Variants in VWCE observed in about 807,000 individuals in gnomAD.
VWCE encodes von Willebrand factor C and EGF domains.
VWCE carries 68 observed loss-of-function variants against 102.9 expected under a neutral mutation model. The ratio of observed to expected loss-of-function variants is 0.66; its 90% CI spans 0.54 to 0.81. The LOEUF is 0.81. Ranked by LOEUF, VWCE falls within the 30% of genes least tolerant of loss-of-function variation. The probability of loss-of-function intolerance (pLI) is 0.00; values close to 1 mark genes in which losing one functional copy is unlikely to be tolerated. For synonymous variants in VWCE, 497 were observed against 515.4 expected (o/e 0.96, Z 0.48); for missense variants, 1,137 against 1,263.6 (o/e 0.90, Z 1.52).
At chr11:61,264,042 G>A (rs1012669529) in intron 19 of VWCE, among the ~76,000 whole-genome samples, 26 of 151,750 alleles carry the variant, frequency 1.7e-4, no homozygotes, top group South Asian at 2.1e-4. Context: ...TGGCTAACAC[G>A]GTGAAACCCC....
chr11:61,266,688 T>C lies in VWCE; in HGVS notation c.1965+774A>G, dbSNP rs116207019. On this transcript the variant is annotated intron_variant, in intron 16 of 19. Coordinates refer to ENST00000335613, the MANE Select transcript of VWCE (RefSeq NM_152718.2). ...AATACTAGGGTTCCATTCTCAGTAC[T>C]TTGATTAACTAGTTACGGGATCTGA... Among the ~76,000 whole-genome samples, 1,018 of 152,330 alleles carry C rather than the reference T, an allele frequency of 6.7e-3. 13 individuals carry two copies. Among genetic ancestry groups the C allele is most frequent in the African/African-American group, 0.024 (984 of 41,568 alleles).
In VWCE at chr11:61,258,829, T is replaced by G; in HGVS notation, c.2714A>C (p.Asp905Ala). 1 of 1,504,458 alleles carries G rather than the reference T, an allele frequency of 6.6e-7. No individual in the cohort carries two copies. The highest frequency in any genetic ancestry group is 8.9e-7 in the Non-Finnish European group (1 of 1,128,210). The allele number at this position is 1,504,458 out of a possible 1,614,324, so 93.2% of individuals were successfully genotyped here. A position where few individuals can be genotyped will look rare whatever the true frequency, so the allele number is the denominator to read the frequency against. Reference protein sequence around the residue: ...LTEASALSMMDPSPSKTPITL... With the variant: ...LTEASALSMMAPSPSKTPITL... ...GATGGGGGTCTTCGAGGGGCTGGGG[T>G]CCATCATGGAAAGTGCTGAAGCTTC... The change falls in exon 20 of 20, where the codon GAC becomes GCC. Residue 905 changes from aspartate (D) to alanine (A), a missense_variant. Coordinates refer to ENST00000335613, the MANE Select transcript of VWCE (RefSeq NM_152718.2).
intron 19 of VWCE, among the ~76,000 whole-genome samples, chr11:61,262,412 G>C (rs771373943): frequency 1.3e-5 from 2 of 152,174 alleles, no homozygotes; most frequent in African/African-American, 2.4e-5. Flanking sequence ...CCTGCAAAAT[G>C]GAGATAACAT....
chr11:61,271,911 C>T (rs940258636), intron 13 of VWCE, 151 bp from the exon 14 acceptor site: 4 of 684,558 alleles, frequency 5.8e-6, no homozygotes, highest in African/African-American at 5.3e-5. Context: ...CAAATGCACA[C>T]TTACACAGAT....
At chr11:61,263,534 A>G (rs536625353) in intron 19 of VWCE, among the ~76,000 whole-genome samples, 1 of 152,320 alleles carries the variant, frequency 6.6e-6, no homozygotes, top group South Asian at 2.1e-4. Flanking sequence ...ACACAATCTC[A>G]GCTAGACAGG....
chr11:61,274,078 C>T (rs1854827624), intron 12 of VWCE, among the ~76,000 whole-genome samples: 1 of 152,136 alleles, frequency 6.6e-6, no homozygotes, highest in South Asian at 2.1e-4. Context: ...GCAGAACGGC[C>T]ATCTCCAATC....
intron 9 of VWCE, among the ~76,000 whole-genome samples, chr11:61,278,870 C>T (rs1184517869): frequency 6.6e-6 from 1 of 151,840 alleles, no homozygotes; most frequent in African/African-American, 2.4e-5. Context: ...GAAACCCCGT[C>T]TCTACTGAAA....
chr11:61,269,196 T>C lies in VWCE; in HGVS notation c.1786-178A>G, dbSNP rs532905819. On this transcript the variant is annotated intron_variant, in intron 14 of 19. Coordinates refer to ENST00000335613, the MANE Select transcript of VWCE (RefSeq NM_152718.2). Reference sequence around the variant, plus strand: ...AGGATCGGCTACTTGAGAAAGGCCATGTGAGCCTTCCAGGAAGTCTATGCA... The same window carrying C: ...AGGATCGGCTACTTGAGAAAGGCCACGTGAGCCTTCCAGGAAGTCTATGCA... The C allele has an allele frequency of 1.1e-4, 67 of 604,630 alleles. No homozygotes were observed. In the South Asian group the frequency reaches 1.2e-3, roughly 11 times the overall value. The allele number at this position is 604,630 out of a possible 1,614,324, so 37.5% of individuals were successfully genotyped here. A position where few individuals can be genotyped will look rare whatever the true frequency, so the allele number is the denominator to read the frequency against.
At chr11:61,259,874 T>A (rs1325278560) in intron 19 of VWCE, among the ~76,000 whole-genome samples, 1 of 152,174 alleles carries the variant, frequency 6.6e-6, no homozygotes, top group Non-Finnish European at 1.5e-5. Context: ...GCCTGGCATA[T>A]CATAAAGGCT....
intron 14 of VWCE, among the ~76,000 whole-genome samples, chr11:61,270,946 C>T (rs982621289): frequency 6.6e-6 from 1 of 151,430 alleles, no homozygotes; most frequent in Non-Finnish European, 1.5e-5. Flanking sequence ...GCTGAGGAAG[C>T]GATCCTCCCA....
At chr11:61,278,781 C>G (rs1010417667) in intron 9 of VWCE, among the ~76,000 whole-genome samples, 2 of 152,182 alleles carry the variant, frequency 1.3e-5, no homozygotes, top group African/African-American at 4.8e-5. Flanking sequence ...TGGCTCACAC[C>G]TGTAACCCCA....
chr11:61,295,062 G>A lies in VWCE; in HGVS notation c.-25C>T. ...TGACCGGCGGCGGCGGGTCCCCCGG[G>A]CTGGGCTCGGCTCCTGCGCCGCGCG... On this transcript the variant is annotated 5_prime_UTR_variant, in exon 1 of 20. Coordinates refer to ENST00000335613, the MANE Select transcript of VWCE (RefSeq NM_152718.2). This position sits in a 1 kb window ranked among gnomAD's most constrained non-coding sequence, Gnocchi z 4.6. The A allele has an allele frequency of 1.5e-6, 2 of 1,315,518 alleles. No homozygotes were observed. The highest frequency in any genetic ancestry group is 1.9e-6 in the Non-Finnish European group (2 of 1,027,832). 81.5% of individuals were successfully genotyped at this position (1,315,518 alleles called of 1,614,324 possible).
At position 61,271,656 on chromosome 11, in the gene VWCE, C is replaced by G. The variant is rs368933239; in HGVS notation, c.1785+19G>C. On this transcript the variant is annotated intron_variant, in intron 14 of 19. Coordinates refer to ENST00000335613, the MANE Select transcript of VWCE (RefSeq NM_152718.2). The stretch of plus-strand genomic sequence containing the variant: ...GGCAGCCAGGTAAAGCAGCTGAAGG[C>G]GAGCAGGTTGTCATTCACCTGGCAG... 1 of 1,601,104 alleles carries G rather than the reference C, an allele frequency of 6.2e-7. No homozygotes were observed. The highest frequency in any genetic ancestry group is 8.5e-7 in the Non-Finnish European group (1 of 1,173,404).
At chr11:61,291,165 A>G in intron 3 of VWCE, 99 bp downstream of exon 3, 1 of 1,293,262 alleles carries the variant, frequency 7.7e-7, no homozygotes, top group South Asian at 1.5e-5. Context: ...AGTTGTCTGA[A>G]GCTGAGACAC....
At position 61,286,449 on chromosome 11, in the gene VWCE, C is replaced by T. The variant is rs78219778; in HGVS notation, c.425-19G>A. 0.016 allele frequency: 25,754 copies of T among 1,604,118 alleles called. 1,871 individuals are homozygous for T. The African/African-American group carries it at 0.19, about 12-fold the overall frequency. On this transcript the variant is annotated intron_variant, in intron 4 of 19. Coordinates refer to ENST00000335613, the MANE Select transcript of VWCE (RefSeq NM_152718.2). ...TCAATGTCTGGAAAGACAGAAAGCA[C>T]GTGTTTACACAGTGGTCCTCGCAAG...
intron 18 of VWCE, 125 bp downstream of exon 18, chr11:61,264,831 T>A: frequency 9.0e-7 from 1 of 1,108,804 alleles, no homozygotes; most frequent in Non-Finnish European, 1.3e-6. Flanking sequence ...GGCAGTTAAT[T>A]AAAGGCGGAG....
Position 61,271,512 on chromosome 11 carries a change from T to A in VWCE, c.1785+163A>T. On this transcript the variant is annotated intron_variant, in intron 14 of 19. Coordinates refer to ENST00000335613, the MANE Select transcript of VWCE (RefSeq NM_152718.2). ...CCTCACACATCTACTGAGAGCAGGA[T>A]AAACTCGGTCCAACCCTTTTTGTGA... 3 of 630,008 alleles carry A rather than the reference T, an allele frequency of 4.8e-6. No individual in the cohort carries two copies. In the Admixed American group the frequency reaches 7.4e-5, roughly 16 times the overall value. 39.0% of individuals were successfully genotyped at this position (630,008 alleles called of 1,614,324 possible). A position where few individuals can be genotyped will look rare whatever the true frequency, so the allele number is the denominator to read the frequency against.
At chr11:61,269,862 C>T (rs1378250267) in intron 14 of VWCE, among the ~76,000 whole-genome samples, 1 of 151,816 alleles carries the variant, frequency 6.6e-6, no homozygotes, top group Non-Finnish European at 1.5e-5. Flanking sequence ...GAAGACAGCA[C>T]AGGAAGGACT....
intron 12 of VWCE, 91 bp from the exon 13 acceptor site, chr11:61,273,407 A>C: frequency 3.3e-6 from 4 of 1,198,358 alleles, no homozygotes; most frequent in Admixed American, 2.5e-5. Context: ...GCCTGCCATC[A>C]CCCTCCCGGC....
Sources: allele counts gnomAD v4.1 joint callset (sites outside exome capture counted in the v4.1 genomes callset), GRCh38; gene constraint gnomAD v4.1.1; non-coding constraint Gnocchi (gnomAD v3.1); transcripts MANE v1.5; gene names NCBI Gene and HGNC (gene_info 2026-07-23, HGNC 2026-07-21).